KIAA1217: variants seen among roughly 807,000 people sequenced by gnomAD.
The protein encoded by KIAA1217 is KIAA1217.
A neutral mutation model predicts 163.9 loss-of-function variants in KIAA1217; 88 were observed. That is an observed-to-expected ratio of 0.54 (90% CI 0.45 to 0.64). The LOEUF (loss-of-function observed/expected upper bound fraction) is 0.64. KIAA1217 is among the 30% of genes least tolerant of loss of function. The pLI, the probability that KIAA1217 is intolerant of heterozygous loss-of-function variation, is 0.00. For synonymous variants in KIAA1217, 903 were observed against 923.1 expected, an observed-to-expected ratio of 0.98 and a Z score of 0.39; for missense variants, 2,372 against 2,475.0, an observed-to-expected ratio of 0.96 and a Z score of 0.88.
chr10:24,119,923 C>G (rs1312681985), intron 2 of KIAA1217, among the ~76,000 whole-genome samples: 1 of 152,224 alleles, frequency 6.6e-6, no homozygotes, highest in Non-Finnish European at 1.5e-5. Flanking sequence ...TACCAAGGCT[C>G]TCTACGGACC....
intron 2 of KIAA1217, among the ~76,000 whole-genome samples, chr10:24,243,097 A>T (rs188115564): frequency 5.3e-5 from 8 of 152,208 alleles, no homozygotes; most frequent in African/African-American, 1.9e-4. Context: ...CCCACTTGAC[A>T]ATTTTTTTAT....
At chr10:24,378,760 G>A (rs988932418) in intron 2 of KIAA1217, among the ~76,000 whole-genome samples, 2 of 152,118 alleles carry the variant, frequency 1.3e-5, no homozygotes, top group Admixed American at 1.3e-4. Flanking sequence ...AGGGTACTGC[G>A]TGTGAGGAGA....
chr10:24,034,523 A>G (rs914332836), intron 2 of KIAA1217, among the ~76,000 whole-genome samples: 1 of 149,774 alleles, frequency 6.7e-6, no homozygotes, highest in South Asian at 2.1e-4. Context: ...TGAGCACACC[A>G]CTGCATTCCA....
chr10:23,786,120 A>G (rs1835482438), intron 1 of KIAA1217, among the ~76,000 whole-genome samples: 1 of 152,190 alleles, frequency 6.6e-6, no homozygotes, highest in South Asian at 2.1e-4. Flanking sequence ...GTAAAAGTCC[A>G]TGGAATTAAC....
In KIAA1217 at chr10:23,908,254, T is replaced by A. The variant is rs149446503; in HGVS notation, c.-320-98971T>A. 3.2e-3 allele frequency among the ~76,000 whole-genome samples: 481 copies of A among 152,108 alleles called. 4 individuals are homozygous for A. The highest frequency in any genetic ancestry group is 0.012 in the South Asian group (57 of 4,824). On this transcript the variant is annotated intron_variant, in intron 1 of 18. Coordinates refer to the KIAA1217 transcript ENST00000376462. Reference sequence around the variant, plus strand: ...TAGGGGTATCTGATGCTAAGGAATTTGGATGGAAGAGTCTATGGATGTATT... The same window carrying A: ...TAGGGGTATCTGATGCTAAGGAATTAGGATGGAAGAGTCTATGGATGTATT...
rs753632906 is a variant in KIAA1217 at position 24,544,977 on chromosome 10, A to G, written c.5212-4A>G. ...CTTCCCCCTCTCACTGGTCCTTCCC[A>G]CAGGGCTCCAGCGGGGCCCCACAGA... On this transcript the variant is annotated splice_polypyrimidine_tract_variant and splice_region_variant and intron_variant, in intron 19 of 20. Transcript: ENST00000376454. The G allele has an allele frequency of 1.9e-6, 3 of 1,613,444 alleles. No homozygotes were observed. Among genetic ancestry groups the G allele is most frequent in the Non-Finnish European group, 2.5e-6 (3 of 1,179,744 alleles).
At chr10:24,185,256 C>A (rs1406319203) in intron 2 of KIAA1217, among the ~76,000 whole-genome samples, 3 of 152,082 alleles carry the variant, frequency 2.0e-5, no homozygotes, top group African/African-American at 7.2e-5. Flanking sequence ...ATAAGGAATT[C>A]CAGTTGGGGT....
intron 5 of KIAA1217, among the ~76,000 whole-genome samples, chr10:24,465,712 G>A (rs1370362894): frequency 1.3e-5 from 2 of 152,140 alleles, no homozygotes. Context: ...CCAGTCCTCC[G>A]CTGAGAGCTG....
chr10:24,368,972 T>G, intron 2 of KIAA1217: 3 of 560,786 alleles, frequency 5.3e-6, no homozygotes, highest in Non-Finnish European at 6.8e-6. Flanking sequence ...AGAACCGAGG[T>G]TCAGAAAGGT....
At chr10:24,455,012 T>C (rs1471005589) in intron 5 of KIAA1217, among the ~76,000 whole-genome samples, 1 of 152,204 alleles carries the variant, frequency 6.6e-6, no homozygotes, top group Non-Finnish European at 1.5e-5. Flanking sequence ...AGAGAACCTC[T>C]GCATTTTCAT....
At chr10:24,545,546 A>G in intron 20 of KIAA1217, 3 of 1,335,034 alleles carry the variant, frequency 2.2e-6, no homozygotes, top group Non-Finnish European at 1.9e-6. Context: ...ATCCAGACGC[A>G]TGGCCCACCT....
intron 2 of KIAA1217, among the ~76,000 whole-genome samples, chr10:24,328,899 A>G (rs987810970): frequency 1.3e-5 from 2 of 152,006 alleles, no homozygotes; most frequent in African/African-American, 2.4e-5. Flanking sequence ...CCCAATTTTC[A>G]TAACTGATGA....
intron 3 of KIAA1217, among the ~76,000 whole-genome samples, chr10:24,402,634 C>G (rs1354328307): frequency 6.6e-6 from 1 of 151,708 alleles, no homozygotes; most frequent in African/African-American, 2.4e-5. Flanking sequence ...GCTTATAGAG[C>G]TACAACAATC....
At chr10:24,265,402 C>T (rs751196987) in intron 2 of KIAA1217, among the ~76,000 whole-genome samples, 2 of 152,184 alleles carry the variant, frequency 1.3e-5, no homozygotes, top group Non-Finnish European at 2.9e-5. Context: ...TTTCATCCTC[C>T]TCTTAGCTCA....
intron 1 of KIAA1217, among the ~76,000 whole-genome samples, chr10:23,910,056 A>G (rs1270893735): frequency 6.6e-6 from 1 of 152,032 alleles, no homozygotes; most frequent in African/African-American, 2.4e-5. Flanking sequence ...TTGACAGAAA[A>G]CCAAACACCG....
chr10:23,954,500 C>T (rs760715170), intron 1 of KIAA1217, among the ~76,000 whole-genome samples: 5 of 151,562 alleles, frequency 3.3e-5, no homozygotes, highest in Admixed American at 6.6e-5. Context: ...AGGAGGTTGA[C>T]GCTGCAGTGA....
At chr10:23,931,563 C>T (rs1019708980) in intron 1 of KIAA1217, among the ~76,000 whole-genome samples, 1 of 152,076 alleles carries the variant, frequency 6.6e-6, no homozygotes, top group Non-Finnish European at 1.5e-5. Context: ...CTTCCTGCAC[C>T]CTCCCAATGC....
At chr10:23,917,446 C>T (rs1488628446) in intron 1 of KIAA1217, among the ~76,000 whole-genome samples, 2 of 152,108 alleles carry the variant, frequency 1.3e-5, no homozygotes, top group African/African-American at 4.8e-5. Context: ...AGCCTAGGGC[C>T]TTGTGAAAAG....
At chr10:24,192,914 G>A (rs998757009) in intron 2 of KIAA1217, among the ~76,000 whole-genome samples, 1 of 152,100 alleles carries the variant, frequency 6.6e-6, no homozygotes, top group Non-Finnish European at 1.5e-5. Flanking sequence ...TGAGTAACTG[G>A]TACTACAGGC....
Sources: gnomAD v4.1 joint callset for allele counts (sites outside exome capture counted in the v4.1 genomes callset) on GRCh38, gnomAD v4.1.1 for gene constraint, MANE v1.5 for transcripts, NCBI Gene and HGNC (gene_info 2026-07-23, HGNC 2026-07-21) for gene names.